NCOA4: variants seen among roughly 807,000 people sequenced by gnomAD.
NCOA4 encodes the protein nuclear receptor coactivator 4.
NCOA4 carries 31 observed loss-of-function variants against 69.5 expected under a neutral mutation model. The observed-to-expected ratio is 0.45, with a 90% CI of 0.34 to 0.60. The LOEUF (loss-of-function observed/expected upper bound fraction) is 0.60. Among genes scored for constraint, NCOA4 ranks in the 20% least tolerant of loss-of-function variants. The pLI, the probability that NCOA4 is intolerant of heterozygous loss-of-function variation, is 0.02. For missense variants in NCOA4, 600 were observed against 719.2 expected (o/e 0.83, Z 1.90); for synonymous variants, 228 against 252.4 (o/e 0.90, Z 0.92).
intron 9 of NCOA4, 143 bp downstream of exon 9, chr10:46,009,265 TCCC>T (rs1839049552): frequency 6.7e-7 from 1 of 1,481,570 alleles, no homozygotes; most frequent in South Asian, 1.2e-5. Context: ...TTTTATGAGC[TCCC>T]CCGTCCCACC....
rs1294698920 is a variant in NCOA4, at chr10:46,005,148, TACATACTCATTA to T, written c.*1432_*1443del. On this transcript the variant is annotated 3_prime_UTR_variant, in exon 10 of 10. Coordinates refer to ENST00000581486, the MANE Select transcript of NCOA4 (RefSeq NM_001145263.2). Reference sequence around the variant, plus strand: ...AATTCATCAATGCAAAAGAATGTTTTACATACTCATTAACATAGTGATTAATGTAAATTATAT... The same window carrying T: ...AATTCATCAATGCAAAAGAATGTTTTACATAGTGATTAATGTAAATTATAT... The T allele has an allele frequency of 1.5e-5, 3 of 194,638 alleles. No individual in the cohort carries two copies. The East Asian group carries it at 2.4e-4, about 16-fold the overall frequency. 12.1% of individuals were successfully genotyped at this position (194,638 alleles called of 1,614,324 possible). A position where few individuals can be genotyped will look rare whatever the true frequency, so the allele number is the denominator to read the frequency against.
Position 46,006,472 on chromosome 10 carries a change from C to A in NCOA4, c.*120G>T. The A allele has an allele frequency of 8.9e-7, 1 of 1,125,006 alleles. No individual in the cohort carries two copies. The highest frequency in any genetic ancestry group is 1.4e-6 in the Non-Finnish European group (1 of 739,254). 69.7% of individuals were successfully genotyped at this position (1,125,006 alleles called of 1,614,324 possible). ...TTTGCTTTACTAGTTCAAAATTAGG[C>A]AGGAGAAGAACTAAGCTAATTGGTC... is the stretch of plus-strand genomic sequence containing the variant. On this transcript the variant is annotated 3_prime_UTR_variant, in exon 10 of 10. Transcript: ENST00000581486.
chr10:46,006,900 C>G (rs1458734761), intron 9 of NCOA4, among the ~76,000 whole-genome samples: 1 of 152,270 alleles, frequency 6.6e-6, no homozygotes, highest in Middle Eastern at 3.4e-3. Flanking sequence ...ACAATTGCAT[C>G]TAAGTGTTCA....
intron 9 of NCOA4, among the ~76,000 whole-genome samples, chr10:46,008,908 G>GTGT (rs1238301223): frequency 2.6e-5 from 4 of 152,200 alleles, no homozygotes; most frequent in Non-Finnish European, 4.4e-5. Context: ...AAACGATTAT[G>GTGT]TGTTAATGGC....
intron 1 of NCOA4, chr10:46,027,440 G>C (rs1231964969): frequency 3.6e-5 from 56 of 1,551,386 alleles, no homozygotes; most frequent in Admixed American, 3.1e-4. Flanking sequence ...ACCAGCTAGA[G>C]CAAAAGTGGT....
At chr10:46,026,316 C>T (rs570439852) in intron 1 of NCOA4, among the ~76,000 whole-genome samples, 1 of 152,300 alleles carries the variant, frequency 6.6e-6, no homozygotes, top group South Asian at 2.1e-4. Flanking sequence ...GCTGCCAGAA[C>T]CACAAAGCTC....
chr10:46,007,448 T>C (rs1554920073), intron 9 of NCOA4, among the ~76,000 whole-genome samples: 1 of 152,110 alleles, frequency 6.6e-6, no homozygotes, highest in Non-Finnish European at 1.5e-5. Context: ...ACACTCAACA[T>C]TTTCAGTGCA....
chr10:46,023,464 G>C (rs192526262), intron 1 of NCOA4: 1 of 985,670 alleles, frequency 1.0e-6, no homozygotes, highest in Non-Finnish European at 1.2e-6. Flanking sequence ...AGTTCGCCCG[G>C]GCCACTAGCG....
chr10:46,018,461 T>G (rs1414969714), intron 1 of NCOA4, among the ~76,000 whole-genome samples: 1 of 152,210 alleles, frequency 6.6e-6, no homozygotes, highest in Admixed American at 6.5e-5. Flanking sequence ...AGTATAGTGT[T>G]TGTCACAGGA....
chr10:46,010,371 C>G lies in NCOA4; in HGVS notation c.1550G>C (p.Arg517Thr). The change falls in exon 8 of 10, where the codon AGA becomes ACA. Residue 517 changes from arginine (R) to threonine (T), a missense_variant. Coordinates refer to ENST00000581486, the MANE Select transcript of NCOA4 (RefSeq NM_001145263.2). ...SPKEVPGTED[R>T]AGKQKFKSPM... Reference sequence around the variant, plus strand: ...GCTTTTAAACTTCTGTTTGCCAGCTCTGTCTTCAGTACCAGGCACTTCCTT... The same window carrying G: ...GCTTTTAAACTTCTGTTTGCCAGCTGTGTCTTCAGTACCAGGCACTTCCTT... 6.2e-7 allele frequency: 1 copy of G among 1,614,148 alleles called. No individual in the cohort carries two copies. Among genetic ancestry groups the G allele is most frequent in the Non-Finnish European group, 8.5e-7 (1 of 1,180,040 alleles).
chr10:46,006,321 A>G lies in NCOA4; in HGVS notation c.*271T>C, dbSNP rs1195359931. 3 of 495,040 alleles carry G rather than the reference A, an allele frequency of 6.1e-6. No homozygotes were observed. The highest frequency in any genetic ancestry group is 3.8e-5 in the African/African-American group (2 of 52,584). The allele number at this position is 495,040 out of a possible 1,614,324, so 30.7% of individuals were successfully genotyped here. On this transcript the variant is annotated 3_prime_UTR_variant, in exon 10 of 10. Coordinates refer to ENST00000581486, the MANE Select transcript of NCOA4 (RefSeq NM_001145263.2). ...GGAGGCTTGTGAAAAAGACGTCCAC[A>G]AAGATGCTGCATTTCTAGTGTGGGG...
rs1278048628 is a variant in NCOA4 at position 46,012,915 on chromosome 10, G to A, written c.682C>T (p.Leu228Phe). ...YIPSTDPQDW[L>F]TQKQTLENSQ... ...TTCTCCAAGGTCTGCTTTTGGGTAA[G>A]CCAGTCCTGGGGGTCGGTGCTGGGT... is the stretch of plus-strand genomic sequence containing the variant. Residue 228 changes from leucine (L) to phenylalanine (F), a missense_variant, in exon 7 of 10, where the codon CTT becomes TTT. Leu to Phe is a conservative substitution (Grantham distance 22). Coordinates refer to ENST00000581486, the MANE Select transcript of NCOA4 (RefSeq NM_001145263.2). The A allele has an allele frequency of 6.2e-7, 1 of 1,614,026 alleles. No individual in the cohort carries two copies. The highest frequency in any genetic ancestry group is 8.5e-7 in the Non-Finnish European group (1 of 1,180,022).
At chr10:46,014,311 C>G in intron 5 of NCOA4, 133 bp downstream of exon 5, 1 of 673,184 alleles carries the variant, frequency 1.5e-6, no homozygotes, top group Non-Finnish European at 2.5e-6. Flanking sequence ...GCCACCACGC[C>G]CAGCTGAGAA....
chr10:46,015,684 G>T (rs373303337), intron 2 of NCOA4, among the ~76,000 whole-genome samples: 24 of 152,062 alleles, frequency 1.6e-4, no homozygotes, highest in Non-Finnish European at 3.1e-4. Flanking sequence ...AAAAACCTAC[G>T]GTTTTACAAG....
Position 46,013,019 on chromosome 10 carries a change from G to A in NCOA4, c.578C>T (p.Ala193Val). 1 of 1,613,878 alleles carries A rather than the reference G, an allele frequency of 6.2e-7. No homozygotes were observed. Among genetic ancestry groups the A allele is most frequent in the South Asian group, 1.1e-5 (1 of 91,052 alleles). Residue 193 changes from alanine to valine, a missense_variant, in exon 7 of 10, where the codon GCA (alanine) becomes GTA (valine). Transcript: ENST00000581486. ...GAAAGGGACAGCTACAATACCGGAT[G>A]CTGACTTCTGTTAATCACAAAACAA... is the stretch of plus-strand genomic sequence containing the variant. Reference protein sequence around the residue: ...GCISMPEQKSASGIVAVPFSE... With the variant: ...GCISMPEQKSVSGIVAVPFSE...
At chr10:46,013,708 A>T in intron 5 of NCOA4, 69 bp from the exon 6 acceptor site, 2 of 1,104,746 alleles carry the variant, frequency 1.8e-6, no homozygotes, top group South Asian at 2.8e-5. Flanking sequence ...TTATAATTCC[A>T]AATTTCAAAA....
intron 3 of NCOA4, 22 bp from the exon 4 acceptor site, chr10:46,014,964 C>A (rs781830707): frequency 6.2e-7 from 1 of 1,607,300 alleles, no homozygotes; most frequent in Non-Finnish European, 8.5e-7. Flanking sequence ...ATGAAACCAA[C>A]TAGCCACAAT....
chr10:46,023,457 T>A, intron 1 of NCOA4: 7 of 985,640 alleles, frequency 7.1e-6, no homozygotes, highest in Non-Finnish European at 8.4e-6. Context: ...CAACTCCAGT[T>A]CGCCCGGGCC....
chr10:46,022,488 C>T (rs782354593), intron 1 of NCOA4: 121 of 462,748 alleles, frequency 2.6e-4, no homozygotes, highest in Non-Finnish European at 4.5e-4. Context: ...TGTTTTGAGA[C>T]GGAGTCTAGC....
Sources: gnomAD v4.1 joint callset for allele counts (sites outside exome capture counted in the v4.1 genomes callset) on GRCh38, gnomAD v4.1.1 for gene constraint, MANE v1.5 for transcripts, NCBI Gene and HGNC (gene_info 2026-07-23, HGNC 2026-07-21) for gene names.